CDH2: variants seen among roughly 807,000 people sequenced by gnomAD.
CDH2 encodes cadherin-2.
In CDH2, 17 loss-of-function variants were observed where a neutral mutation model predicts 92.0. The observed-to-expected ratio is 0.18, with a 90% CI of 0.13 to 0.28. The LOEUF (loss-of-function observed/expected upper bound fraction) is 0.28. Ranked by LOEUF, CDH2 falls within the 10% of genes least tolerant of loss-of-function variation. CDH2 has a pLI of 1.00. For missense variants in CDH2, 862 were observed against 1,133.1 expected (o/e 0.76, Z 3.44); for synonymous variants, 419 against 415.9 (o/e 1.01, Z -0.09).
At chr18:27,979,027 A>T (rs1297415687) in intron 14 of CDH2, among the ~76,000 whole-genome samples, 1 of 152,138 alleles carries the variant, frequency 6.6e-6, no homozygotes, top group Non-Finnish European at 1.5e-5. Flanking sequence ...AACATAAAAA[A>T]TAATAAAAAA....
intron 2 of CDH2, among the ~76,000 whole-genome samples, chr18:28,048,200 A>G (rs2014119316): frequency 6.6e-6 from 1 of 152,184 alleles, no homozygotes; most frequent in African/African-American, 2.4e-5. Context: ...ACAGAGGTTA[A>G]GCAATTTATC....
chr18:28,175,803 G>A (rs1212910090), intron 1 of CDH2, among the ~76,000 whole-genome samples: 1 of 152,232 alleles, frequency 6.6e-6, no homozygotes, highest in African/African-American at 2.4e-5. Context: ...CAGGCAGGGG[G>A]ACCCTCCGTG....
intron 1 of CDH2, among the ~76,000 whole-genome samples, chr18:28,151,025 C>T (rs1432016861): frequency 6.6e-6 from 1 of 152,194 alleles, no homozygotes; most frequent in Non-Finnish European, 1.5e-5. Flanking sequence ...TACTTTGCAC[C>T]AAGCACTGTG....
At chr18:28,141,572 T>C (rs2144316358) in intron 2 of CDH2, among the ~76,000 whole-genome samples, 1 of 150,226 alleles carries the variant, frequency 6.7e-6, no homozygotes, top group African/African-American at 2.4e-5. Context: ...TTCTTCTAAT[T>C]CCACCGCTAC....
At chr18:28,165,121 C>A (rs1427805946) in intron 1 of CDH2, among the ~76,000 whole-genome samples, 1 of 152,178 alleles carries the variant, frequency 6.6e-6, no homozygotes, top group Non-Finnish European at 1.5e-5. Flanking sequence ...ATGACCAGGT[C>A]CCAAAATCTT....
chr18:28,132,823 C>T (rs1369507629), intron 2 of CDH2, among the ~76,000 whole-genome samples: 1 of 152,212 alleles, frequency 6.6e-6, no homozygotes, highest in East Asian at 1.9e-4. Flanking sequence ...TCATCCTCTC[C>T]CAAATCCATA....
intron 2 of CDH2, among the ~76,000 whole-genome samples, chr18:28,081,009 G>A (rs1210518909): frequency 1.3e-5 from 2 of 152,086 alleles, no homozygotes; most frequent in Non-Finnish European, 2.9e-5. Context: ...CCTAGCTATG[G>A]GATCAAGAGT....
At chr18:28,012,349 A>C (rs1215930388) in intron 3 of CDH2, among the ~76,000 whole-genome samples, 2 of 152,210 alleles carry the variant, frequency 1.3e-5, no homozygotes, top group African/African-American at 2.4e-5. Flanking sequence ...GTAATGTGCT[A>C]CTGTACATTA....
intron 1 of CDH2, among the ~76,000 whole-genome samples, chr18:28,170,947 G>A (rs1326460290): frequency 6.6e-6 from 1 of 151,012 alleles, no homozygotes; most frequent in Non-Finnish European, 1.5e-5. Flanking sequence ...AACTAGAGGA[G>A]GCCAGGAGCA....
Position 27,957,614 on chromosome 18 carries a change from T to G in CDH2, c.2515-5255A>C, listed in dbSNP as rs370502149. 1.7e-4 allele frequency among the ~76,000 whole-genome samples: 26 copies of G among 152,244 alleles called. No homozygotes were observed. The East Asian group carries it at 4.1e-3, about 24-fold the overall frequency. ...TTGTGACATCCCTTTCTACAGAGGC[T>G]GTTTTGTATTCACATCTCACTGTCC... On this transcript the variant is annotated intron_variant, in intron 15 of 15. Transcript: ENST00000269141.
At chr18:28,031,893 A>G (rs1599048581) in intron 2 of CDH2, among the ~76,000 whole-genome samples, 1 of 152,250 alleles carries the variant, frequency 6.6e-6, no homozygotes, top group East Asian at 1.9e-4. Flanking sequence ...CAGTCAAATC[A>G]GATAATGAAT....
intron 2 of CDH2, among the ~76,000 whole-genome samples, chr18:28,053,222 GT>G (rs59652909): frequency 0.21 from 31,552 of 152,088 alleles, 3,785 homozygotes; most frequent in Non-Finnish European, 0.27. Context: ...ATTCCACCAT[GT>G]AATTGTAGAG....
chr18:27,953,676 A>T (rs1019256583), intron 15 of CDH2, among the ~76,000 whole-genome samples: 2 of 152,128 alleles, frequency 1.3e-5, no homozygotes, highest in Admixed American at 6.6e-5. Flanking sequence ...AGTATGGTGT[A>T]GTGGTTAAGA....
intron 1 of CDH2, among the ~76,000 whole-genome samples, chr18:28,173,961 A>G (rs1410470616): frequency 6.6e-6 from 1 of 152,198 alleles, no homozygotes; most frequent in Non-Finnish European, 1.5e-5. Context: ...TTAATATAAA[A>G]AAGGCTAACA....
chr18:28,088,116 A>T (rs2014969485), intron 2 of CDH2, among the ~76,000 whole-genome samples: 1 of 152,356 alleles, frequency 6.6e-6, no homozygotes, highest in Admixed American at 6.5e-5. Flanking sequence ...TACCTTGATT[A>T]ATCAGGCTTA....
chr18:28,112,704 AAACAAC>A (rs375635279), intron 2 of CDH2, among the ~76,000 whole-genome samples: 1 of 151,980 alleles, frequency 6.6e-6, no homozygotes, highest in Non-Finnish European at 1.5e-5. Flanking sequence ...GAAAAGAGAA[AAACAAC>A]AACAACAACA....
intron 2 of CDH2, among the ~76,000 whole-genome samples, chr18:28,119,136 G>A (rs1264440708): frequency 6.6e-6 from 1 of 152,230 alleles, no homozygotes; most frequent in Non-Finnish European, 1.5e-5. Flanking sequence ...GGAAAATGGT[G>A]CAAAGAAGAC....
In CDH2 at chr18:28,158,584, T is replaced by A. The variant is rs186382459; in HGVS notation, c.61-10800A>T. 3.3e-3 allele frequency among the ~76,000 whole-genome samples: 501 copies of A among 152,304 alleles called. 3 individuals carry two copies. The highest frequency in any genetic ancestry group is 5.4e-3 in the Non-Finnish European group (366 of 68,018). Reference sequence around the variant, plus strand: ...TGTCCCAGTGCTTTCCACTGCCCAGTCAGTGTTACCCTGAATGGCAATTCT... The same window carrying A: ...TGTCCCAGTGCTTTCCACTGCCCAGACAGTGTTACCCTGAATGGCAATTCT... On this transcript the variant is annotated intron_variant, in intron 1 of 15. Coordinates refer to ENST00000269141, the MANE Select transcript of CDH2 (RefSeq NM_001792.5).
intron 1 of CDH2, among the ~76,000 whole-genome samples, chr18:28,167,883 G>T (rs986434629): frequency 6.6e-6 from 1 of 152,078 alleles, no homozygotes; most frequent in Non-Finnish European, 1.5e-5. Context: ...GCAAGAGAGT[G>T]GGTGCCAAAG....
Sources: allele counts gnomAD v4.1 joint callset (sites outside exome capture counted in the v4.1 genomes callset), GRCh38; gene constraint gnomAD v4.1.1; transcripts MANE v1.5; gene names NCBI Gene and HGNC (gene_info 2026-07-23, HGNC 2026-07-21).